Variants in CCDC85C observed in about 807,000 individuals in gnomAD.
CCDC85C encodes coiled-coil domain containing 85C, also known as coiled-coil domain-containing protein 85C.
CCDC85C carries 18 observed loss-of-function variants against 38.3 expected under a neutral mutation model. The ratio of observed to expected loss-of-function variants is 0.47; its 90% CI spans 0.33 to 0.70. The LOEUF (loss-of-function observed/expected upper bound fraction) is 0.70, where lower values mean the gene tolerates loss of function less well. Ranked by LOEUF, CCDC85C falls within the 30% of genes least tolerant of loss-of-function variation. CCDC85C has a pLI of 0.03. For synonymous variants in CCDC85C, 264 were observed against 293.8 expected (o/e 0.90, Z 1.04); for missense variants, 566 against 621.2 (o/e 0.91, Z 0.94).
chr14:99,535,991 C>G lies in CCDC85C; in HGVS notation c.867+24G>C, dbSNP rs1595348374. On this transcript the variant is annotated intron_variant, in intron 2 of 5. Transcript: ENST00000380243. The surrounding 1 kb of genome is among the most constrained non-coding windows in gnomAD (Gnocchi z 5.5). ...GGGTGCTGGGTCGCGGTCCTCAAGG[C>G]AGCGCCACCCGAAGCCGGCCTACCT... The G allele has an allele frequency of 6.5e-7, 1 of 1,544,616 alleles. No individual in the cohort carries two copies. The highest frequency in any genetic ancestry group is 8.8e-7 in the Non-Finnish European group (1 of 1,141,380).
intron 1 of CCDC85C, among the ~76,000 whole-genome samples, chr14:99,541,565 A>G (rs530434910): frequency 2.0e-5 from 3 of 152,294 alleles, no homozygotes; most frequent in African/African-American, 4.8e-5. Flanking sequence ...GAAGAAGCCA[A>G]TGGAAGGGGT....
intron 2 of CCDC85C, among the ~76,000 whole-genome samples, chr14:99,524,822 A>T (rs1897352370): frequency 6.6e-6 from 1 of 152,162 alleles, no homozygotes; most frequent in African/African-American, 2.4e-5. Context: ...GCCCTTCCTC[A>T]GGGGGAGGCA....
intron 3 of CCDC85C, among the ~76,000 whole-genome samples, chr14:99,518,537 AG>A (rs933308967): frequency 1.3e-5 from 2 of 151,124 alleles, no homozygotes; most frequent in Non-Finnish European, 3.0e-5. Context: ...GGAACCCAAC[AG>A]GGACGCTGGG....
At chr14:99,536,226 C>A in intron 1 of CCDC85C, 138 bp from the exon 2 acceptor site, 1 of 683,314 alleles carries the variant, frequency 1.5e-6, no homozygotes, top group South Asian at 1.7e-5. Flanking sequence ...GACGCCCCAG[C>A]CCCTCCGAGC....
rs1242284334 is a variant in CCDC85C, at chr14:99,514,293, G to A, written c.*953C>T. On this transcript the variant is annotated 3_prime_UTR_variant, in exon 6 of 6. Transcript: ENST00000380243. ...GGCCAGACACGCTCCTTCCCAAAAA[G>A]AACAGAACTCTCATCTGCAGCCTAC... 1 of 152,550 alleles carries A rather than the reference G, an allele frequency of 6.6e-6. No homozygotes were observed. The highest frequency in any genetic ancestry group is 2.4e-5 in the African/African-American group (1 of 41,478). The allele number at this position is 152,550 out of a possible 1,614,324, so 9.4% of individuals were successfully genotyped here.
At chr14:99,575,979 C>T (rs780898941) in intron 1 of CCDC85C, among the ~76,000 whole-genome samples, 2 of 152,218 alleles carry the variant, frequency 1.3e-5, no homozygotes, top group African/African-American at 4.8e-5. Flanking sequence ...ACCCCATCCA[C>T]TCCCTTCCAG....
intron 3 of CCDC85C, among the ~76,000 whole-genome samples, chr14:99,518,926 G>C (rs1004498849): frequency 4.6e-5 from 7 of 152,084 alleles, no homozygotes; most frequent in African/African-American, 1.7e-4. Flanking sequence ...AAGCCCTAGT[G>C]TTACCTCCAG....
Position 99,540,126 on chromosome 14 carries a change from G to A in CCDC85C, c.794-4038C>T, listed in dbSNP as rs565294464. Reference sequence around the variant, plus strand: ...TCACGCCACTGCAGTCCAGATGGGCGACAGAGCGAGACTGTCTTTAAAAAA... The same window carrying A: ...TCACGCCACTGCAGTCCAGATGGGCAACAGAGCGAGACTGTCTTTAAAAAA... On this transcript the variant is annotated intron_variant, in intron 1 of 5. Transcript: ENST00000380243. Among the ~76,000 whole-genome samples, 117 of 150,532 alleles carry A rather than the reference G, an allele frequency of 7.8e-4. 1 individual carries two copies. Among genetic ancestry groups the A allele is most frequent in the African/African-American group, 2.7e-3 (112 of 41,154 alleles).
In CCDC85C at chr14:99,513,177, C is replaced by T. The variant is rs1897166134; in HGVS notation, c.*2069G>A. ...GCAGGAGATCCGCAGGTACCAGGAG[C>T]CCGTACTTATTGCTTATTTCAGTGG... On this transcript the variant is annotated 3_prime_UTR_variant, in exon 6 of 6. Coordinates refer to ENST00000380243, the MANE Select transcript of CCDC85C (RefSeq NM_001144995.2). The T allele has an allele frequency of 6.6e-6, 1 of 152,222 alleles. No individual in the cohort carries two copies. The highest frequency in any genetic ancestry group is 2.4e-5 in the African/African-American group (1 of 41,446). 9.4% of individuals were successfully genotyped at this position (152,222 alleles called of 1,614,324 possible).
At chr14:99,591,725 GTTTC>G (rs2055089574) in intron 1 of CCDC85C, among the ~76,000 whole-genome samples, 1 of 147,672 alleles carries the variant, frequency 6.8e-6, no homozygotes, top group African/African-American at 2.5e-5. Flanking sequence ...AGGTTTCTTG[GTTTC>G]TTTTCTTTTT....
intron 1 of CCDC85C, among the ~76,000 whole-genome samples, chr14:99,590,172 G>A (rs534509621): frequency 6.6e-6 from 1 of 152,254 alleles, no homozygotes; most frequent in African/African-American, 2.4e-5. Flanking sequence ...GCCAGCAAAA[G>A]GGTGGGGAGC....
At chr14:99,521,252 T>C (rs1364373463) in intron 3 of CCDC85C, among the ~76,000 whole-genome samples, 1 of 152,216 alleles carries the variant, frequency 6.6e-6, no homozygotes, top group African/African-American at 2.4e-5. Flanking sequence ...GGATAAATGC[T>C]TGGAATATCG....
At chr14:99,587,015 A>C (rs2055034584) in intron 1 of CCDC85C, among the ~76,000 whole-genome samples, 1 of 152,202 alleles carries the variant, frequency 6.6e-6, no homozygotes, top group Non-Finnish European at 1.5e-5. Context: ...ACACCCCAAC[A>C]GAGCAATAGC....
chr14:99,603,282 CG>C lies in CCDC85C; in HGVS notation c.677del (p.Pro226ArgfsTer53). On this transcript the variant is annotated frameshift_variant, in exon 1 of 6. Transcript: ENST00000380243. LOFTEE classifies it high-confidence loss of function. This position sits in a 1 kb window ranked among gnomAD's most constrained non-coding sequence, Gnocchi z 7.5. ...SPDHHHHVPPPLLPPGPHKAP... is the reference protein window; with the variant it reads ...SPDHHHHVPPXLLPPGPHKAP... ...CCTTGTGCGGCCCGGGGGGCAGCAG[CG>C]GGGGTGGGACGTGGTGGTGGTGGTC... is the stretch of plus-strand genomic sequence containing the variant. 2 of 1,378,066 alleles carry C rather than the reference CG, an allele frequency of 1.5e-6. No individual in the cohort carries two copies. Among genetic ancestry groups the C allele is most frequent in the South Asian group, 1.6e-5 (1 of 61,126 alleles). The allele number at this position is 1,378,066 out of a possible 1,614,324, so 85.4% of individuals were successfully genotyped here.
intron 1 of CCDC85C, among the ~76,000 whole-genome samples, chr14:99,539,868 C>T (rs769194934): frequency 1.6e-4 from 24 of 152,170 alleles, no homozygotes; most frequent in South Asian, 4.2e-4. Flanking sequence ...AAAGAATGGC[C>T]GGGCGCGGTG....
intron 1 of CCDC85C, among the ~76,000 whole-genome samples, chr14:99,557,818 G>A (rs1467426918): frequency 6.6e-6 from 1 of 152,166 alleles, no homozygotes; most frequent in Non-Finnish European, 1.5e-5. Flanking sequence ...GAGAAGCCGA[G>A]GCACGAGGAT....
chr14:99,598,912 C>T (rs75454123), intron 1 of CCDC85C, among the ~76,000 whole-genome samples: 76 of 152,292 alleles, frequency 5.0e-4, no homozygotes, highest in African/African-American at 1.8e-3. Flanking sequence ...ACCCCTGGGT[C>T]ACCTGCCTGG....
rs562238898 is a variant in CCDC85C at position 99,558,761 on chromosome 14, C to T, written c.794-22673G>A. Among the ~76,000 whole-genome samples, 8 of 152,268 alleles carry T rather than the reference C, an allele frequency of 5.3e-5. No individual in the cohort carries two copies. Among genetic ancestry groups the T allele is most frequent in the Non-Finnish European group, 1.2e-4 (8 of 68,030 alleles). On this transcript the variant is annotated intron_variant, in intron 1 of 5. Transcript: ENST00000380243. The surrounding 1 kb of genome is among the most constrained non-coding windows in gnomAD (Gnocchi z 4.2). ...AGATGAGGCCACAAGCCAAGGAACACCAGGAGTCATCAGAAGCAGGAAGAG... is the reference window on the plus strand; with the variant it reads ...AGATGAGGCCACAAGCCAAGGAACATCAGGAGTCATCAGAAGCAGGAAGAG...
intron 1 of CCDC85C, among the ~76,000 whole-genome samples, chr14:99,598,504 G>A (rs777681132): frequency 5.9e-5 from 9 of 152,320 alleles, no homozygotes; most frequent in East Asian, 1.9e-4. Flanking sequence ...CACAGCCATC[G>A]TAGGGAAGGT....
Sources: allele counts gnomAD v4.1 joint callset (sites outside exome capture counted in the v4.1 genomes callset), GRCh38; gene constraint gnomAD v4.1.1; non-coding constraint Gnocchi (gnomAD v3.1); transcripts MANE v1.5; gene names NCBI Gene and HGNC (gene_info 2026-07-23, HGNC 2026-07-21).